Variants in DPH1 observed in about 807,000 individuals in gnomAD.
DPH1 encodes diphthamide biosynthesis 1, also known as 2-(3-amino-3-carboxypropyl)histidine synthase subunit 1.
In DPH1, 59 loss-of-function variants were observed where a neutral mutation model predicts 55.3. The observed-to-expected ratio is 1.07, with a 90% CI of 0.87 to 1.33. The LOEUF (loss-of-function observed/expected upper bound fraction) is 1.33, where lower values mean the gene tolerates loss of function less well. Ranked by LOEUF, DPH1 falls within the 40% of genes most tolerant of loss-of-function variation. The pLI is 0.00. For synonymous variants in DPH1, 238 were observed against 235.5 expected, an observed-to-expected ratio of 1.01 and a Z score of -0.10; for missense variants, 628 against 584.8, an observed-to-expected ratio of 1.07 and a Z score of -0.76.
chr17:2,041,796 C>G lies in DPH1; in HGVS notation c.1256C>G (p.Ser419Trp), dbSNP rs2067531595. 6.2e-7 allele frequency: 1 copy of G among 1,606,910 alleles called. No individual in the cohort carries two copies. The highest frequency in any genetic ancestry group is 1.3e-5 in the African/African-American group (1 of 74,714). Residue 419 changes from serine (S) to tryptophan (W), a missense_variant, in exon 12 of 13, where the codon TCG becomes TGG. Transcript: ENST00000263083. ...CAGGAGGGGTCCGCGCGTCCCCCTT[C>G]GGCCGTGGCTTGCGAGGACTGCAGC... is the stretch of plus-strand genomic sequence containing the variant. ...KVQEGSARPP[S>W]AVACEDCSCR... is the part of the protein sequence containing the mutation.
intron 1 of DPH1, 59 bp from the exon 2 acceptor site, chr17:2,033,446 C>T: frequency 1.2e-6 from 2 of 1,611,552 alleles, no homozygotes; most frequent in South Asian, 1.1e-5. Flanking sequence ...ATCCCTATTC[C>T]ATCTCAATCT....
chr17:2,031,439 G>C lies in DPH1; in HGVS notation c.61+1209G>C, dbSNP rs373053260. 3.9e-5 allele frequency among the ~76,000 whole-genome samples: 6 copies of C among 151,982 alleles called. No homozygotes were observed. The South Asian group carries it at 1.3e-3, about 32-fold the overall frequency. ...TAGCCGCGTGTGGTAGCACACGCCT[G>C]TAATCCCAGCTACTCGGGAGGCTGA... On this transcript the variant is annotated intron_variant, in intron 1 of 12. Transcript: ENST00000263083.
chr17:2,042,626 A>C lies in DPH1; in HGVS notation c.*40A>C. 6.6e-7 allele frequency: 1 copy of C among 1,519,484 alleles called. No individual in the cohort carries two copies. The highest frequency in any genetic ancestry group is 8.8e-7 in the Non-Finnish European group (1 of 1,136,732). 94.1% of individuals were successfully genotyped at this position (1,519,484 alleles called of 1,614,324 possible). A position where few individuals can be genotyped will look rare whatever the true frequency, so the allele number is the denominator to read the frequency against. ...GTAGGGTCCTGCCCTCCGGAGGAGC[A>C]GCCTCGAGGCTGGTGGTTTTCAGAG... On this transcript the variant is annotated 3_prime_UTR_variant, in exon 13 of 13. Transcript: ENST00000263083.
At position 2,041,118 on chromosome 17, in the gene DPH1, A is replaced by G; in HGVS notation, c.1023A>G (p.Ala341=). ...LPEVDVWVQV[A]CPRLSIDWGT... ...CCCTTCCCAGGTGGGTGCAGGTGGCATGTCCACGTCTCTCCATTGACTGGG... is the reference window on the plus strand; with the variant it reads ...CCCTTCCCAGGTGGGTGCAGGTGGCGTGTCCACGTCTCTCCATTGACTGGG... Residue 341 remains alanine, a synonymous_variant, in exon 10 of 13, where the codon GCA becomes GCG. Transcript: ENST00000263083. 2 of 1,603,470 alleles carry G rather than the reference A, an allele frequency of 1.2e-6. No individual in the cohort carries two copies. Among genetic ancestry groups the G allele is most frequent in the Middle Eastern group, 1.7e-4 (1 of 6,054 alleles).
chr17:2,036,171 G>A lies in DPH1; in HGVS notation c.400+80G>A. The A allele has an allele frequency of 2.5e-6, 4 of 1,571,140 alleles. No individual in the cohort carries two copies. In the South Asian group the frequency reaches 3.5e-5, roughly 14 times the overall value. The stretch of plus-strand genomic sequence containing the variant: ...GCACATTCATCTTCCCCATGGCAGT[G>A]CCTTCTTGTCCTGCTTGGAGACACA... On this transcript the variant is annotated intron_variant, in intron 4 of 12. Transcript: ENST00000263083. The surrounding 1 kb of genome is among the most constrained non-coding windows in gnomAD (Gnocchi z 4.8).
In DPH1 at chr17:2,042,856, C is replaced by A. The variant is rs769380354; in HGVS notation, c.*270C>A. The A allele has an allele frequency of 7.4e-6, 12 of 1,614,042 alleles. No individual in the cohort carries two copies. In the African/African-American group the frequency reaches 1.6e-4, roughly 22 times the overall value. Reference sequence around the variant, plus strand: ...CCGCTTCCCCTTGCCACGGTTTATCCTCTTGGTGTCTGGTTTCTGTCCCCG... The same window carrying A: ...CCGCTTCCCCTTGCCACGGTTTATCATCTTGGTGTCTGGTTTCTGTCCCCG... On this transcript the variant is annotated 3_prime_UTR_variant, in exon 13 of 13. Transcript: ENST00000263083.
Position 2,040,249 on chromosome 17 carries a change from G to C in DPH1, c.781G>C (p.Glu261Gln). The change falls in exon 8 of 13, where the codon GAA becomes CAA. Residue 261 changes from glutamate (E) to glutamine (Q), a missense_variant. Glu to Gln is a conservative substitution (Grantham distance 29, BLOSUM62 2). Coordinates refer to ENST00000263083, the MANE Select transcript of DPH1 (RefSeq NM_001383.6). The stretch of plus-strand genomic sequence containing the variant: ...CCCATATAGCAAAGTCCTATCCAGA[G>C]AACACTATGACCACCAGCGCATGCA... ...YDPYSKVLSR[E>Q]HYDHQRMQAA... The C allele has an allele frequency of 6.2e-7, 1 of 1,614,074 alleles. No individual in the cohort carries two copies. The highest frequency in any genetic ancestry group is 8.5e-7 in the Non-Finnish European group (1 of 1,180,032).
rs145444421 is a variant in DPH1, at chr17:2,043,014, C to T, written c.*428C>T. 9.3e-4 allele frequency: 1,498 copies of T among 1,614,110 alleles called. 9 individuals carry two copies. The African/African-American group carries it at 0.016, about 18-fold the overall frequency. ...TGGCCAGCCAATTTCCCGGAGCCATCACCCTCACCCACTCTGGTGGCCACT... is the reference window on the plus strand; with the variant it reads ...TGGCCAGCCAATTTCCCGGAGCCATTACCCTCACCCACTCTGGTGGCCACT... On this transcript the variant is annotated 3_prime_UTR_variant, in exon 13 of 13. Coordinates refer to ENST00000263083, the MANE Select transcript of DPH1 (RefSeq NM_001383.6).
intron 1 of DPH1, 150 bp from the exon 2 acceptor site, chr17:2,033,355 G>A (rs2067356216): frequency 2.6e-6 from 3 of 1,144,438 alleles, no homozygotes; most frequent in South Asian, 2.9e-5. Flanking sequence ...GGCTAGCTAA[G>A]ATGCCTGGGA....
rs752218713 is a variant in DPH1, at chr17:2,036,505, C to T, written c.401-24C>T. The T allele has an allele frequency of 1.2e-6, 2 of 1,612,318 alleles. No individual in the cohort carries two copies. The highest frequency in any genetic ancestry group is 1.7e-6 in the Non-Finnish European group (2 of 1,178,968). On this transcript the variant is annotated intron_variant, in intron 4 of 12. Transcript: ENST00000263083. The surrounding 1 kb of genome is among the most constrained non-coding windows in gnomAD (Gnocchi z 4.8). ...CTGCTGCTCCTGCCTTCCCAAACAGCCCCTGAACTCCTCCCTCCCACAGTT... is the reference window on the plus strand; with the variant it reads ...CTGCTGCTCCTGCCTTCCCAAACAGTCCCTGAACTCCTCCCTCCCACAGTT...
Position 2,041,397 on chromosome 17 carries a change from C to T in DPH1, c.1087-84C>T, listed in dbSNP as rs2067520505. 1.9e-6 allele frequency: 3 copies of T among 1,541,640 alleles called. No individual in the cohort carries two copies. In the South Asian group the frequency reaches 3.7e-5, roughly 19 times the overall value. On this transcript the variant is annotated intron_variant, in intron 10 of 12. Coordinates refer to ENST00000263083, the MANE Select transcript of DPH1 (RefSeq NM_001383.6). The stretch of plus-strand genomic sequence containing the variant: ...GTGGCAGGGGACAGTGTGCCCTTCA[C>T]AGGCCGTCGTGAGGACTGAATTCAG...
At chr17:2,031,428 A>G (rs946650546) in intron 1 of DPH1, among the ~76,000 whole-genome samples, 2 of 151,530 alleles carry the variant, frequency 1.3e-5, no homozygotes, top group Non-Finnish European at 1.5e-5. Context: ...CGCGTGTGGT[A>G]GCACACGCCT....
At chr17:2,041,409 A>G in intron 10 of DPH1, 72 bp from the exon 11 acceptor site, 1 of 1,553,704 alleles carries the variant, frequency 6.4e-7, no homozygotes, top group Non-Finnish European at 8.7e-7. Context: ...GGCCGTCGTG[A>G]GGACTGAATT....
At position 2,043,178 on chromosome 17, in the gene DPH1, ACCCTCC is replaced by A. The variant is rs1433535321; in HGVS notation, c.*593_*598del. The stretch of plus-strand genomic sequence containing the variant: ...CCTCCGTCATCCATGCCCTCCCAGG[ACCCTCC>A]ACTCACTGCTGTGAGTGCGCCTCAC... On this transcript the variant is annotated 3_prime_UTR_variant, in exon 13 of 13. Transcript: ENST00000263083. 1.3e-6 allele frequency: 2 copies of A among 1,519,454 alleles called. No individual in the cohort carries two copies. Among genetic ancestry groups the A allele is most frequent in the Non-Finnish European group, 1.8e-6 (2 of 1,122,634 alleles). 94.1% of individuals were successfully genotyped at this position (1,519,454 alleles called of 1,614,324 possible). A position where few individuals can be genotyped will look rare whatever the true frequency, so the allele number is the denominator to read the frequency against.
chr17:2,032,083 G>C (rs1466179325), intron 1 of DPH1, among the ~76,000 whole-genome samples: 1 of 152,168 alleles, frequency 6.6e-6, no homozygotes, highest in Non-Finnish European at 1.5e-5. Context: ...GTGAAAGAAC[G>C]AACAGTGTGG....
At chr17:2,039,970 T>A in intron 7 of DPH1, 147 bp downstream of exon 7, 1 of 1,292,114 alleles carries the variant, frequency 7.7e-7, no homozygotes, top group Non-Finnish European at 1.1e-6. Flanking sequence ...GATCTGGGCA[T>A]TAGCCCCAGG....
chr17:2,042,292 G>A, intron 12 of DPH1: 1 of 1,395,286 alleles, frequency 7.2e-7, no homozygotes, highest in African/African-American at 1.5e-5. Context: ...CGTCCCCCTC[G>A]ACACCCTTCA....
chr17:2,033,419 G>A (rs1352486358), intron 1 of DPH1, 86 bp from the exon 2 acceptor site: 3 of 1,598,492 alleles, frequency 1.9e-6, no homozygotes, highest in Non-Finnish European at 2.6e-6. Flanking sequence ...GGGGGCACCG[G>A]CAGGCCCTGA....
At chr17:2,034,360 G>C (rs2067373790) in intron 3 of DPH1, among the ~76,000 whole-genome samples, 1 of 151,856 alleles carries the variant, frequency 6.6e-6, no homozygotes, top group African/African-American at 2.4e-5. Context: ...CATCCTTGGT[G>C]GGGAGGGTGA....
Sources: gnomAD v4.1 joint callset for allele counts (sites outside exome capture counted in the v4.1 genomes callset) on GRCh38, gnomAD v4.1.1 for gene constraint, Gnocchi (gnomAD v3.1) non-coding constraint, MANE v1.5 for transcripts, NCBI Gene and HGNC (gene_info 2026-07-23, HGNC 2026-07-21) for gene names.